SERGEF: variants seen among roughly 807,000 people sequenced by gnomAD.
SERGEF encodes the protein secretion-regulating guanine nucleotide exchange factor.
In SERGEF, 51 loss-of-function variants were observed where a neutral mutation model predicts 50.0. The ratio of observed to expected loss-of-function variants is 1.02; its 90% CI spans 0.81 to 1.29. The LOEUF is 1.29. Ranked by LOEUF, SERGEF falls within the 50% of genes most tolerant of loss-of-function variation. SERGEF has a pLI of 0.00. For synonymous variants in SERGEF, 205 were observed against 212.4 expected (o/e 0.97, Z 0.30); for missense variants, 521 against 557.0 (o/e 0.94, Z 0.65).
chr11:18,006,386 G>C (rs932229944), intron 3 of SERGEF, among the ~76,000 whole-genome samples: 1 of 152,176 alleles, frequency 6.6e-6, no homozygotes, highest in Non-Finnish European at 1.5e-5. Flanking sequence ...ATGTTGGCCA[G>C]GGTGGTCTCG....
At chr11:17,883,395 T>C (rs1851372188) in intron 9 of SERGEF, among the ~76,000 whole-genome samples, 1 of 152,262 alleles carries the variant, frequency 6.6e-6, no homozygotes, top group Non-Finnish European at 1.5e-5. Context: ...AGTACAGTTG[T>C]ACCTGTTTGT....
chr11:17,888,560 G>C lies in SERGEF; in HGVS notation c.1012-10316C>G, dbSNP rs1012919203. 1.3e-5 allele frequency among the ~76,000 whole-genome samples: 2 copies of C among 151,990 alleles called. No homozygotes were observed. Among genetic ancestry groups the C allele is most frequent in the Non-Finnish European group, 1.5e-5 (1 of 68,006 alleles). ...TGAAGGAAACACAAATATAGAATGA[G>C]AGAAGGCAAAGAGAAACCCTGTGGA... On this transcript the variant is annotated intron_variant, in intron 9 of 10. Coordinates refer to ENST00000265965, the MANE Select transcript of SERGEF (RefSeq NM_012139.4). This position sits in a 1 kb window ranked among gnomAD's most constrained non-coding sequence, Gnocchi z 4.1.
chr11:17,928,306 C>T (rs1852287929), intron 9 of SERGEF, among the ~76,000 whole-genome samples: 1 of 152,168 alleles, frequency 6.6e-6, no homozygotes, highest in Non-Finnish European at 1.5e-5. Flanking sequence ...GAAAGGAACA[C>T]TGTCTGAGCC....
chr11:17,927,863 C>T (rs1315103057), intron 9 of SERGEF, among the ~76,000 whole-genome samples: 2 of 152,262 alleles, frequency 1.3e-5, no homozygotes, highest in African/African-American at 4.8e-5. Flanking sequence ...AGATCCAGGC[C>T]GACCTGGGGC....
intron 8 of SERGEF, among the ~76,000 whole-genome samples, chr11:17,979,663 C>T (rs1364170396): frequency 6.6e-6 from 1 of 152,208 alleles, no homozygotes; most frequent in Non-Finnish European, 1.5e-5. Flanking sequence ...CCTGTCTATT[C>T]TTTGTGGACT....
chr11:17,949,251 G>A (rs900356148), intron 9 of SERGEF, among the ~76,000 whole-genome samples: 3 of 152,126 alleles, frequency 2.0e-5, no homozygotes, highest in African/African-American at 7.2e-5. Context: ...GGAGCCAGAC[G>A]GCAGTCATCT....
At chr11:17,885,878 T>C (rs1026595473) in intron 9 of SERGEF, among the ~76,000 whole-genome samples, 1 of 152,136 alleles carries the variant, frequency 6.6e-6, no homozygotes, top group Admixed American at 6.5e-5. Flanking sequence ...GTCCCCCAGA[T>C]CACCTCAGCC....
intron 9 of SERGEF, among the ~76,000 whole-genome samples, chr11:17,913,921 A>G (rs1226926474): frequency 1.3e-5 from 2 of 152,160 alleles, no homozygotes; most frequent in African/African-American, 4.8e-5. Flanking sequence ...CCATCCTCCA[A>G]GGGCAGCCAG....
chr11:17,835,279 G>A (rs535572159), intron 10 of SERGEF, among the ~76,000 whole-genome samples: 62 of 152,288 alleles, frequency 4.1e-4, no homozygotes, highest in African/African-American at 1.4e-3. Context: ...GGGCTGAGGT[G>A]CTCAACTTGA....
chr11:17,794,369 T>C (rs918998556), intron 10 of SERGEF, among the ~76,000 whole-genome samples: 1 of 152,214 alleles, frequency 6.6e-6, no homozygotes, highest in Non-Finnish European at 1.5e-5. Context: ...GACCTAGGGA[T>C]GGTGCTTCTC....
intron 10 of SERGEF, among the ~76,000 whole-genome samples, chr11:17,823,929 A>T (rs1464638789): frequency 2.0e-5 from 3 of 152,136 alleles, no homozygotes; most frequent in Admixed American, 6.5e-5. Context: ...CCCTCATGAC[A>T]GGTTTGGCTA....
chr11:17,812,174 G>A (rs1386115889), intron 10 of SERGEF, among the ~76,000 whole-genome samples: 1 of 152,184 alleles, frequency 6.6e-6, no homozygotes, highest in Non-Finnish European at 1.5e-5. Flanking sequence ...ACAGAAAACT[G>A]CACGGGAGAC....
chr11:17,944,151 T>A (rs1852611062), intron 9 of SERGEF, among the ~76,000 whole-genome samples: 1 of 152,050 alleles, frequency 6.6e-6, no homozygotes, highest in African/African-American at 2.4e-5. Context: ...ATGGTCTCCA[T>A]CTCCTGACCT....
chr11:17,795,381 A>C (rs571671759), intron 10 of SERGEF, among the ~76,000 whole-genome samples: 1 of 152,304 alleles, frequency 6.6e-6, no homozygotes, highest in South Asian at 2.1e-4. Flanking sequence ...TCTAGATGGC[A>C]ACAGCAGGAT....
chr11:17,916,211 C>T (rs1852045862), intron 9 of SERGEF, among the ~76,000 whole-genome samples: 1 of 152,154 alleles, frequency 6.6e-6, no homozygotes, highest in African/African-American at 2.4e-5. Flanking sequence ...AAATACATCG[C>T]TCTATCACCT....
intron 10 of SERGEF, among the ~76,000 whole-genome samples, chr11:17,838,789 A>G (rs538884853): frequency 6.6e-6 from 1 of 152,334 alleles, no homozygotes; most frequent in African/African-American, 2.4e-5. Context: ...AATTATTAAT[A>G]TCAATAACTA....
chr11:17,962,389 T>C (rs1302065168), intron 8 of SERGEF, among the ~76,000 whole-genome samples: 2 of 152,114 alleles, frequency 1.3e-5, no homozygotes, highest in Non-Finnish European at 2.9e-5. Flanking sequence ...ATTAATACAC[T>C]GTAGATGAAT....
intron 9 of SERGEF, among the ~76,000 whole-genome samples, chr11:17,954,552 A>G (rs541929672): frequency 6.6e-6 from 1 of 152,298 alleles, no homozygotes; most frequent in African/African-American, 2.4e-5. Flanking sequence ...TTGCACTTAG[A>G]CCCTGTGCAC....
intron 8 of SERGEF, among the ~76,000 whole-genome samples, chr11:17,980,632 C>CT (rs1853478377): frequency 6.6e-6 from 1 of 152,140 alleles, no homozygotes; most frequent in Non-Finnish European, 1.5e-5. Context: ...GTTAATCATT[C>CT]TTTTCACTTA....
Sources: allele counts gnomAD v4.1 joint callset (sites outside exome capture counted in the v4.1 genomes callset), GRCh38; gene constraint gnomAD v4.1.1; non-coding constraint Gnocchi (gnomAD v3.1); transcripts MANE v1.5; gene names NCBI Gene and HGNC (gene_info 2026-07-23, HGNC 2026-07-21).